NELL1: variants seen among roughly 807,000 people sequenced by gnomAD.
The protein encoded by NELL1 is neural EGFL like 1, also known as protein kinase C-binding protein NELL1.
In NELL1, 76 loss-of-function variants were observed where a neutral mutation model predicts 107.4. That is an observed-to-expected ratio of 0.71 (90% confidence interval 0.59 to 0.86). The LOEUF is 0.86. Among genes scored for constraint, NELL1 ranks in the 40% least tolerant of loss-of-function variants. The pLI, the probability that NELL1 is intolerant of heterozygous loss-of-function variation, is 0.00. For synonymous variants in NELL1, 353 were observed against 341.2 expected, an observed-to-expected ratio of 1.03 and a Z score of -0.38; for missense variants, 1,024 against 1,005.5, an observed-to-expected ratio of 1.02 and a Z score of -0.25.
At chr11:21,419,891 CA>C (rs1275472238) in intron 15 of NELL1, among the ~76,000 whole-genome samples, 17 of 152,212 alleles carry the variant, frequency 1.1e-4, no homozygotes, top group African/African-American at 4.1e-4. Context: ...TTTCCACTGC[CA>C]TGCATTTGCC....
intron 15 of NELL1, among the ~76,000 whole-genome samples, chr11:21,531,644 C>T (rs761578916): frequency 1.3e-5 from 2 of 152,086 alleles, no homozygotes; most frequent in Non-Finnish European, 2.9e-5. Flanking sequence ...TTGTTTGTTT[C>T]CTTTGGGATG....
chr11:21,204,096 G>A (rs762158648), intron 13 of NELL1, among the ~76,000 whole-genome samples: 8 of 152,100 alleles, frequency 5.3e-5, no homozygotes, highest in Non-Finnish European at 1.2e-4. Flanking sequence ...TCTTGGGGTT[G>A]CTCTTCTCGA....
chr11:20,709,174 G>A (rs1222904853), intron 2 of NELL1, among the ~76,000 whole-genome samples: 1 of 152,076 alleles, frequency 6.6e-6, no homozygotes, highest in Admixed American at 6.6e-5. Flanking sequence ...ATGGTTTCCG[G>A]TCTTAGATTT....
intron 14 of NELL1, among the ~76,000 whole-genome samples, chr11:21,344,492 T>G (rs187841282): frequency 2.0e-5 from 3 of 152,302 alleles, no homozygotes; most frequent in Admixed American, 2.0e-4. Flanking sequence ...TCAGCTGTTC[T>G]AGGCCTCTCA....
intron 15 of NELL1, among the ~76,000 whole-genome samples, chr11:21,445,608 AGG>A (rs1196654854): frequency 6.6e-6 from 1 of 152,192 alleles, no homozygotes; most frequent in Non-Finnish European, 1.5e-5. Flanking sequence ...CTGGGATTAT[AGG>A]CGTGAGCCAC....
intron 11 of NELL1, among the ~76,000 whole-genome samples, chr11:20,949,603 A>C (rs753235319): frequency 3.9e-5 from 6 of 152,212 alleles, no homozygotes; most frequent in Non-Finnish European, 5.9e-5. Context: ...ATTAGGCCAC[A>C]GAAATTCAGG....
chr11:20,944,461 G>C (rs546009510), intron 10 of NELL1, among the ~76,000 whole-genome samples: 1 of 152,244 alleles, frequency 6.6e-6, no homozygotes, highest in Admixed American at 6.5e-5. Context: ...TTTATATGTT[G>C]TTAGAAATTC....
intron 2 of NELL1, 127 bp downstream of exon 2, chr11:20,678,187 T>C: frequency 9.9e-7 from 1 of 1,012,814 alleles, no homozygotes; most frequent in Non-Finnish European, 1.5e-6. Context: ...CTGTCTTGAG[T>C]GTTTAGATAT....
chr11:20,779,328 A>G (rs533496159), intron 2 of NELL1, among the ~76,000 whole-genome samples: 54 of 152,188 alleles, frequency 3.5e-4, no homozygotes, highest in Non-Finnish European at 5.7e-4. Flanking sequence ...TAACACTCTT[A>G]TTCAATCCTT....
At position 21,180,978 on chromosome 11, in the gene NELL1, A is replaced by C. The variant is rs542036505; in HGVS notation, c.1427-48354A>C. On this transcript the variant is annotated intron_variant, in intron 13 of 19. Transcript: ENST00000357134. ...CATTGATATACTAGGCAAAGTAAAC[A>C]CCATGTCAAAGAATTTTTTTTCTAA... Among the ~76,000 whole-genome samples, 21 of 151,914 alleles carry C rather than the reference A, an allele frequency of 1.4e-4. 2 individuals are homozygous for C. The highest frequency in any genetic ancestry group is 4.9e-4 in the African/African-American group (20 of 41,206).
intron 15 of NELL1, among the ~76,000 whole-genome samples, chr11:21,514,786 A>T (rs944784267): frequency 6.7e-6 from 1 of 149,632 alleles, no homozygotes; most frequent in South Asian, 2.1e-4. Flanking sequence ...TCTTTGTGAC[A>T]AGAAAGCCCT....
intron 14 of NELL1, among the ~76,000 whole-genome samples, chr11:21,339,509 C>T (rs1336437829): frequency 1.3e-5 from 2 of 152,206 alleles, no homozygotes; most frequent in African/African-American, 4.8e-5. Context: ...AATACACTCA[C>T]TATAGCTAAC....
chr11:20,703,754 C>G lies in NELL1; in HGVS notation c.184+25694C>G, dbSNP rs187480985. Among the ~76,000 whole-genome samples, 250 of 152,104 alleles carry G rather than the reference C, an allele frequency of 1.6e-3. 2 individuals are homozygous for G. Among genetic ancestry groups the G allele is most frequent in the African/African-American group, 5.8e-3 (239 of 41,464 alleles). Reference sequence around the variant, plus strand: ...ACATCTTTATTTCTGCCTTCATTTCCTTATGTACCCGAAAGTCATTCAGGA... The same window carrying G: ...ACATCTTTATTTCTGCCTTCATTTCGTTATGTACCCGAAAGTCATTCAGGA... On this transcript the variant is annotated intron_variant, in intron 2 of 19. Transcript: ENST00000357134.
intron 15 of NELL1, among the ~76,000 whole-genome samples, chr11:21,460,984 A>T (rs2133871992): frequency 6.6e-6 from 1 of 152,214 alleles, no homozygotes; most frequent in African/African-American, 2.4e-5. Flanking sequence ...AATATCTGTT[A>T]TTTACTGAAT....
At chr11:21,337,787 TCTTTCTTTCCTTCTTTCTTTCTTG>T (rs1303224774) in intron 14 of NELL1, among the ~76,000 whole-genome samples, 1 of 145,396 alleles carries the variant, frequency 6.9e-6, no homozygotes, top group Non-Finnish European at 1.5e-5. Context: ...TTTCTTTCTT[TCTTTCTTTCCTTCTTTCTTTCTTG>T]CTTTCCTTCT....
intron 14 of NELL1, among the ~76,000 whole-genome samples, chr11:21,309,283 T>TATATATATA (rs1490789943): frequency 3.7e-5 from 1 of 27,174 alleles, no homozygotes; most frequent in Non-Finnish European, 6.4e-5. Flanking sequence ...TATATATGTA[T>TATATATATA]ATATATATAT....
chr11:21,137,263 G>A lies in NELL1; in HGVS notation c.1426+23549G>A, dbSNP rs118118147. Among the ~76,000 whole-genome samples the A allele has an allele frequency of 7.6e-4, 116 of 152,354 alleles. 1 individual carries two copies. The East Asian group carries it at 0.017, about 22-fold the overall frequency. ...AAAAGGGTATACGACCAGTGTCCTG[G>A]AGGAGAACCCCATGTAGAGACCTGG... On this transcript the variant is annotated intron_variant, in intron 13 of 19. Coordinates refer to ENST00000357134, the MANE Select transcript of NELL1 (RefSeq NM_006157.5).
At chr11:21,155,584 C>T (rs544856603) in intron 13 of NELL1, among the ~76,000 whole-genome samples, 2 of 152,166 alleles carry the variant, frequency 1.3e-5, no homozygotes, top group South Asian at 4.2e-4. Flanking sequence ...GAGAACAGAA[C>T]TGAGAGATCA....
chr11:21,301,315 G>A (rs1388186307), intron 14 of NELL1, among the ~76,000 whole-genome samples: 5 of 152,218 alleles, frequency 3.3e-5, no homozygotes, highest in African/African-American at 1.2e-4. Flanking sequence ...TTGAGGAATC[G>A]CCACACTGTC....
Sources: gnomAD v4.1 joint callset for allele counts (sites outside exome capture counted in the v4.1 genomes callset) on GRCh38, gnomAD v4.1.1 for gene constraint, MANE v1.5 for transcripts, NCBI Gene and HGNC (gene_info 2026-07-23, HGNC 2026-07-21) for gene names.